The following KCNH7 variants were observed in gnomAD, a reference collection of about 807,000 sequenced individuals.
KCNH7 encodes potassium voltage-gated channel subfamily H member 7.
In KCNH7, 49 loss-of-function variants were observed where a neutral mutation model predicts 120.8. The observed-to-expected ratio is 0.41, with a 90% CI of 0.32 to 0.51. KCNH7 has a LOEUF of 0.51. Among genes scored for constraint, KCNH7 ranks in the 20% least tolerant of loss-of-function variants. KCNH7 has a pLI of 0.38. For synonymous variants in KCNH7, 547 were observed against 516.1 expected (o/e 1.06, Z -0.81); for missense variants, 1,097 against 1,446.6 (o/e 0.76, Z 3.92).
intron 2 of KCNH7, among the ~76,000 whole-genome samples, chr2:162,568,121 G>A (rs754251334): frequency 2.8e-4 from 42 of 152,084 alleles, no homozygotes; most frequent in Non-Finnish European, 4.6e-4. Flanking sequence ...GCAGAAGAAG[G>A]AATGAATGCA....
At chr2:162,522,518 G>A (rs1473771725) in intron 3 of KCNH7, among the ~76,000 whole-genome samples, 1 of 151,868 alleles carries the variant, frequency 6.6e-6, no homozygotes, top group East Asian at 1.9e-4. Flanking sequence ...TTTGCTCAAT[G>A]TTAGCACTTT....
intron 2 of KCNH7, among the ~76,000 whole-genome samples, chr2:162,778,260 T>C (rs1683331329): frequency 1.3e-5 from 2 of 152,180 alleles, no homozygotes; most frequent in Admixed American, 1.3e-4. Flanking sequence ...TGATATTATA[T>C]TATTTATCTG....
intron 2 of KCNH7, among the ~76,000 whole-genome samples, chr2:162,791,105 A>G (rs1354300956): frequency 6.6e-6 from 1 of 152,126 alleles, no homozygotes; most frequent in Non-Finnish European, 1.5e-5. Flanking sequence ...TTAAAACCTA[A>G]TTTAGTGAAG....
chr2:162,636,785 T>A (rs1683976789), intron 2 of KCNH7, among the ~76,000 whole-genome samples: 1 of 152,020 alleles, frequency 6.6e-6, no homozygotes, highest in African/African-American at 2.4e-5. Flanking sequence ...ACAAAGCTAT[T>A]TATTCTATTT....
At chr2:162,648,603 T>C (rs547778875) in intron 2 of KCNH7, among the ~76,000 whole-genome samples, 4 of 152,328 alleles carry the variant, frequency 2.6e-5, no homozygotes, top group African/African-American at 9.6e-5. Context: ...TGCTTATGCT[T>C]TTTCTCAGAC....
intron 3 of KCNH7, among the ~76,000 whole-genome samples, chr2:162,535,048 C>G (rs185810150): frequency 2.0e-5 from 3 of 151,824 alleles, no homozygotes; most frequent in Admixed American, 6.6e-5. Flanking sequence ...AATTTCAGCA[C>G]CCATTATTAA....
At chr2:162,775,204 A>G (rs1416337479) in intron 2 of KCNH7, among the ~76,000 whole-genome samples, 1 of 152,190 alleles carries the variant, frequency 6.6e-6, no homozygotes, top group Non-Finnish European at 1.5e-5. Flanking sequence ...GTTTAGTAAA[A>G]AAAAATTATC....
chr2:162,560,800 A>G (rs1693035058), intron 2 of KCNH7, among the ~76,000 whole-genome samples: 1 of 152,208 alleles, frequency 6.6e-6, no homozygotes, highest in South Asian at 2.1e-4. Flanking sequence ...TTTTATTACT[A>G]CAAATACTTG....
chr2:162,746,536 T>C (rs1004377089), intron 2 of KCNH7, among the ~76,000 whole-genome samples: 11 of 152,120 alleles, frequency 7.2e-5, no homozygotes, highest in African/African-American at 1.9e-4. Flanking sequence ...TGCCAGACTT[T>C]ACACTTTTTT....
At chr2:162,576,829 G>A (rs1002907053) in intron 2 of KCNH7, among the ~76,000 whole-genome samples, 1 of 152,076 alleles carries the variant, frequency 6.6e-6, no homozygotes, top group African/African-American at 2.4e-5. Flanking sequence ...AGATCTGGTA[G>A]AACTATGAAG....
At chr2:162,665,439 T>C (rs990196497) in intron 2 of KCNH7, among the ~76,000 whole-genome samples, 14 of 152,130 alleles carry the variant, frequency 9.2e-5, no homozygotes, top group African/African-American at 3.4e-4. Context: ...AGATTTTAAA[T>C]ATAGCTCACT....
intron 2 of KCNH7, among the ~76,000 whole-genome samples, chr2:162,562,305 T>C (rs1397073207): frequency 6.6e-6 from 1 of 152,176 alleles, no homozygotes; most frequent in Non-Finnish European, 1.5e-5. Flanking sequence ...ATGAATGATT[T>C]TTATTAAAAT....
intron 6 of KCNH7, among the ~76,000 whole-genome samples, chr2:162,470,258 T>C (rs891221752): frequency 2.7e-5 from 4 of 150,728 alleles, no homozygotes; most frequent in African/African-American, 9.8e-5. Context: ...ATCTAGGAAG[T>C]GAGGAGCGTC....
intron 9 of KCNH7, among the ~76,000 whole-genome samples, chr2:162,411,719 A>C (rs1687396697): frequency 6.6e-6 from 1 of 151,902 alleles, no homozygotes; most frequent in South Asian, 2.1e-4. Flanking sequence ...TTCTTTAATT[A>C]AATCAACTAT....
At chr2:162,601,253 A>C (rs922956262) in intron 2 of KCNH7, among the ~76,000 whole-genome samples, 1 of 151,982 alleles carries the variant, frequency 6.6e-6, no homozygotes, top group Admixed American at 6.6e-5. Context: ...TACTATCAGC[A>C]GACTGAAAGT....
At chr2:162,784,680 G>A (rs940771627) in intron 2 of KCNH7, 3 of 152,106 alleles carry the variant, frequency 2.0e-5, no homozygotes, top group Non-Finnish European at 2.9e-5. Flanking sequence ...ATGTCTCTCT[G>A]AGTTTCATTG....
chr2:162,719,166 C>T (rs2105370534), intron 2 of KCNH7, among the ~76,000 whole-genome samples: 1 of 152,112 alleles, frequency 6.6e-6, no homozygotes, highest in African/African-American at 2.4e-5. Flanking sequence ...ACTACAATTC[C>T]TTCCATCCTA....
chr2:162,837,027 T>C (rs1251229726), intron 1 of KCNH7, among the ~76,000 whole-genome samples: 1 of 152,174 alleles, frequency 6.6e-6, no homozygotes, highest in African/African-American at 2.4e-5. Context: ...CCAAATAGAC[T>C]AGTTCTCAAG....
intron 2 of KCNH7, among the ~76,000 whole-genome samples, chr2:162,624,016 G>A (rs1300902317): frequency 6.6e-6 from 1 of 152,114 alleles, no homozygotes; most frequent in African/African-American, 2.4e-5. Context: ...ATGCCATCCT[G>A]CTCTGTCTTG....
Sources: allele counts gnomAD v4.1 joint callset (sites outside exome capture counted in the v4.1 genomes callset), GRCh38; gene constraint gnomAD v4.1.1; transcripts MANE v1.5; gene names NCBI Gene and HGNC (gene_info 2026-07-23, HGNC 2026-07-21).